REDIC1: variants seen among roughly 807,000 people sequenced by gnomAD.
REDIC1 encodes regulator of DNA class I crossover intermediates 1.
At chr12:39,882,240 A>G in the REDIC1 span, among the ~76,000 whole-genome samples, 1 of 152,226 alleles carries the variant, frequency 6.6e-6, no homozygotes, top group African/African-American at 2.4e-5. Flanking sequence ...TTGTTCAAAA[A>G]CACAAGACTA....
the REDIC1 span, chr12:39,764,380 A>G: frequency 8.0e-7 from 1 of 1,257,544 alleles, no homozygotes; most frequent in Non-Finnish European, 1.1e-6. Flanking sequence ...CATAGTCTCA[A>G]TCACAAATGA....
the REDIC1 span, among the ~76,000 whole-genome samples, chr12:39,705,471 G>T: frequency 1.3e-5 from 2 of 152,080 alleles, no homozygotes; most frequent in African/African-American, 4.8e-5. Flanking sequence ...ACAAGGCAAT[G>T]TATTAACCTG....
chr12:39,775,942 C>T, the REDIC1 span, among the ~76,000 whole-genome samples: 34 of 152,298 alleles, frequency 2.2e-4, no homozygotes, highest in African/African-American at 6.5e-4. Flanking sequence ...CTTTGAGCAT[C>T]ATGTCAGCAC....
chr12:39,782,878 T>C, the REDIC1 span, among the ~76,000 whole-genome samples: 1 of 152,146 alleles, frequency 6.6e-6, no homozygotes, highest in Non-Finnish European at 1.5e-5. Context: ...TTTATTATTA[T>C]TATTTTTTAT....
chr12:39,903,968 A>G, the REDIC1 span, among the ~76,000 whole-genome samples: 1 of 152,076 alleles, frequency 6.6e-6, no homozygotes, highest in Non-Finnish European at 1.5e-5. Flanking sequence ...GCTATTTATC[A>G]GATTTCCTGC....
chr12:39,724,895 TTTAA>T, the REDIC1 span, among the ~76,000 whole-genome samples: 3 of 152,132 alleles, frequency 2.0e-5, no homozygotes, highest in Admixed American at 6.6e-5. Context: ...GCTTTATATG[TTTAA>T]TTGAAGTATC....
the REDIC1 span, among the ~76,000 whole-genome samples, chr12:39,898,640 C>A: frequency 1.3e-5 from 2 of 152,102 alleles, no homozygotes; most frequent in African/African-American, 4.8e-5. Context: ...GCCTGATACT[C>A]ACACTATGAG....
the REDIC1 span, among the ~76,000 whole-genome samples, chr12:39,804,114 T>C: frequency 6.6e-6 from 1 of 152,082 alleles, no homozygotes; most frequent in South Asian, 2.1e-4. Context: ...GGCAGTTGGT[T>C]AGAGTGGTGG....
At chr12:39,855,449 C>T in the REDIC1 span, among the ~76,000 whole-genome samples, 14 of 152,054 alleles carry the variant, frequency 9.2e-5, no homozygotes, top group Non-Finnish European at 1.6e-4. Flanking sequence ...CTGTCATGGC[C>T]CTGGGGAAAT....
chr12:39,847,334 G>A, the REDIC1 span, among the ~76,000 whole-genome samples: 195 of 152,072 alleles, frequency 1.3e-3, 1 homozygote, highest in Non-Finnish European at 1.5e-3. Context: ...TTCCTAACTG[G>A]GCACATTGTG....
the REDIC1 span, chr12:39,871,918 C>A: frequency 6.2e-7 from 1 of 1,610,150 alleles, no homozygotes; most frequent in Non-Finnish European, 8.5e-7. Flanking sequence ...GCAAGTCTAT[C>A]ATCTTCAACA....
At chr12:39,859,221 T>A in the REDIC1 span, among the ~76,000 whole-genome samples, 2 of 150,240 alleles carry the variant, frequency 1.3e-5, no homozygotes, top group Non-Finnish European at 3.0e-5. Context: ...AGAACCACAT[T>A]GATCATATTC....
chr12:39,905,287 C>T, the REDIC1 span, among the ~76,000 whole-genome samples: 6 of 152,274 alleles, frequency 3.9e-5, no homozygotes, highest in African/African-American at 1.4e-4. Flanking sequence ...TCTTGCTGCT[C>T]TGGCTGCTCT....
At chr12:39,653,394 A>AT in the REDIC1 span, among the ~76,000 whole-genome samples, 1 of 151,814 alleles carries the variant, frequency 6.6e-6, no homozygotes, top group East Asian at 1.9e-4. Flanking sequence ...TGACAATTTT[A>AT]TTATTCTAGT....
chr12:39,714,071 A>T, the REDIC1 span, among the ~76,000 whole-genome samples: 3 of 149,220 alleles, frequency 2.0e-5, no homozygotes, highest in African/African-American at 4.9e-5. Flanking sequence ...ATGTGTATAT[A>T]CGTGTATATA....
At chr12:39,702,069 A>G in the REDIC1 span, among the ~76,000 whole-genome samples, 2 of 152,182 alleles carry the variant, frequency 1.3e-5, no homozygotes, top group Non-Finnish European at 2.9e-5. Context: ...AGCTAGCGGA[A>G]GGCAAGAAAT....
chr12:39,678,353 C>T, the REDIC1 span, among the ~76,000 whole-genome samples: 1 of 151,874 alleles, frequency 6.6e-6, no homozygotes, highest in Non-Finnish European at 1.5e-5. Context: ...TTGATAAATT[C>T]CTAGAAATAT....
the REDIC1 span, among the ~76,000 whole-genome samples, chr12:39,783,976 T>C: frequency 1.3e-5 from 2 of 152,172 alleles, no homozygotes; most frequent in East Asian, 3.8e-4. Context: ...CCATTCACAA[T>C]TGCTTCAAAG....
the REDIC1 span, among the ~76,000 whole-genome samples, chr12:39,879,365 C>G: frequency 6.6e-6 from 1 of 152,208 alleles, no homozygotes; most frequent in Non-Finnish European, 1.5e-5. Context: ...AGCTTGCACC[C>G]TGCGTCTGGA....
Sources: allele counts gnomAD v4.1 joint callset (sites outside exome capture counted in the v4.1 genomes callset), GRCh38; gene constraint gnomAD v4.1.1; transcripts MANE v1.5; gene names NCBI Gene and HGNC (gene_info 2026-07-23, HGNC 2026-07-21).